Variants in STARD9 observed in about 807,000 individuals in gnomAD.
The protein encoded by STARD9 is StAR related lipid transfer domain containing 9.
In STARD9, 346 loss-of-function variants were observed where a neutral mutation model predicts 399.8. That is an observed-to-expected ratio of 0.87 (90% CI 0.79 to 0.95). The LOEUF is 0.95. Among genes scored for constraint, STARD9 ranks in the 40% least tolerant of loss-of-function variants. STARD9 has a pLI of 0.00. For synonymous variants in STARD9, 2,203 were observed against 2,143.5 expected (o/e 1.03, Z -0.77); for missense variants, 5,832 against 5,667.5 (o/e 1.03, Z -0.93).
rs1566913364 is a variant in STARD9, at chr15:42,662,785, G to A, written c.771-9G>A. ...CTTTTGTTTTTGTTTTTCATTGACTGTGTTTTAGCGAAAGAGCAGATCCCA... is the reference window on the plus strand; with the variant it reads ...CTTTTGTTTTTGTTTTTCATTGACTATGTTTTAGCGAAAGAGCAGATCCCA... On this transcript the variant is annotated splice_polypyrimidine_tract_variant and intron_variant, in intron 10 of 32. Transcript: ENST00000290607. 1.3e-6 allele frequency: 2 copies of A among 1,532,354 alleles called. No individual in the cohort carries two copies. The highest frequency in any genetic ancestry group is 2.0e-5 in the Admixed American group (1 of 50,920). The allele number at this position is 1,532,354 out of a possible 1,614,324, so 94.9% of individuals were successfully genotyped here.
At position 42,718,524 on chromosome 15, in the gene STARD9, T is replaced by A; in HGVS notation, c.13842+10T>A. Reference sequence around the variant, plus strand: ...CGTGGAAGCCAAAGAGGTGCCTGCCTTGGTGGTAAAGATGTTGTGGGAAGA... The same window carrying A: ...CGTGGAAGCCAAAGAGGTGCCTGCCATGGTGGTAAAGATGTTGTGGGAAGA... On this transcript the variant is annotated intron_variant, in intron 31 of 32. Coordinates refer to ENST00000290607, the MANE Select transcript of STARD9 (RefSeq NM_020759.3). 2 of 1,536,638 alleles carry A rather than the reference T, an allele frequency of 1.3e-6. No individual in the cohort carries two copies. Among genetic ancestry groups the A allele is most frequent in the Non-Finnish European group, 1.7e-6 (2 of 1,146,368 alleles).
At chr15:42,616,042 T>C (rs1258504953) in intron 3 of STARD9, among the ~76,000 whole-genome samples, 1 of 150,114 alleles carries the variant, frequency 6.7e-6, no homozygotes, top group South Asian at 2.1e-4. Flanking sequence ...AAACATTGTA[T>C]TTTTTTTTTC....
Position 42,686,525 on chromosome 15 carries a change from T to C in STARD9, c.4947T>C (p.Phe1649=). Residue 1649 remains phenylalanine (F), a synonymous_variant, in exon 23 of 33, where the codon TTT becomes TTC. Transcript: ENST00000290607. ...PGLMTSSDED[F]FQKNACHSNV... is the part of the protein sequence containing the mutation. ...TGATGACTTCCTCTGATGAGGATTTTTTCCAGAAGAACGCTTGTCACAGTA... is the reference window on the plus strand; with the variant it reads ...TGATGACTTCCTCTGATGAGGATTTCTTCCAGAAGAACGCTTGTCACAGTA... 2 of 1,537,704 alleles carry C rather than the reference T, an allele frequency of 1.3e-6. No homozygotes were observed. The highest frequency in any genetic ancestry group is 1.7e-6 in the Non-Finnish European group (2 of 1,147,036).
chr15:42,623,404 A>G (rs2059131215), intron 3 of STARD9, among the ~76,000 whole-genome samples: 1 of 151,760 alleles, frequency 6.6e-6, no homozygotes, highest in Admixed American at 6.6e-5. Context: ...CTGTTTACTG[A>G]CTCTATGGTC....
chr15:42,668,601 T>C (rs185328691), intron 15 of STARD9, among the ~76,000 whole-genome samples: 7 of 152,336 alleles, frequency 4.6e-5, no homozygotes, highest in Admixed American at 1.3e-4. Context: ...TATTATTGTT[T>C]TTATTGTCTT....
chr15:42,709,514 G>A (rs537401095), intron 26 of STARD9, among the ~76,000 whole-genome samples: 2 of 152,180 alleles, frequency 1.3e-5, no homozygotes, highest in South Asian at 2.1e-4. Flanking sequence ...GTGAAACCCC[G>A]TCTCCACTAA....
chr15:42,679,122 G>C (rs971798756), intron 20 of STARD9, among the ~76,000 whole-genome samples: 2 of 152,218 alleles, frequency 1.3e-5, no homozygotes, highest in Non-Finnish European at 2.9e-5. Flanking sequence ...TTCAGATAAA[G>C]ACCCTGTCTC....
intron 3 of STARD9, among the ~76,000 whole-genome samples, chr15:42,609,862 G>T (rs1315149243): frequency 6.6e-6 from 1 of 152,066 alleles, no homozygotes; most frequent in Non-Finnish European, 1.5e-5. Context: ...GGAGGCTGAG[G>T]CGGATGGATC....
rs2060688723 is a variant in STARD9 at position 42,691,218 on chromosome 15, CA to C, written c.9641del (p.Gln3214ArgfsTer17). On this transcript the variant is annotated frameshift_variant, in exon 23 of 33. Transcript: ENST00000290607. LOFTEE classifies it high-confidence loss of function. ...QEDSPWQEEE[Q>X]HRDQASGGGE... ...AGACAGTCCCTGGCAGGAAGAAGAG[CA>C]GCACAGAGACCAGGCTTCAGGTGGT... The C allele has an allele frequency of 6.5e-7, 1 of 1,537,146 alleles. No individual in the cohort carries two copies. Among genetic ancestry groups the C allele is most frequent in the Non-Finnish European group, 8.7e-7 (1 of 1,146,912 alleles).
chr15:42,689,589 C>T lies in STARD9; in HGVS notation c.8011C>T (p.Pro2671Ser), dbSNP rs1252649655. 9 of 1,537,352 alleles carry T rather than the reference C, an allele frequency of 5.9e-6. No individual in the cohort carries two copies. In the East Asian group the frequency reaches 2.0e-4, roughly 33 times the overall value. ...DPVQAFSHAA[P>S]AQDRKRRTGE... ...TGTGCAGGCTTTCTCCCATGCTGCT[C>T]CTGCTCAAGACAGGAAACGTCGTAC... Residue 2671 changes from proline (P) to serine (S), a missense_variant, in exon 23 of 33, where the codon CCT becomes TCT. Pro to Ser is a moderately conservative substitution (Grantham distance 74). Around this residue, in one of 2 missense-constraint regions of STARD9, gnomAD observed 5,828 missense variants for 5,651.1 expected, o/e 1.03. Transcript: ENST00000290607.
chr15:42,719,871 T>G lies in STARD9; in HGVS notation c.*297T>G, dbSNP rs950781380. On this transcript the variant is annotated 3_prime_UTR_variant, in exon 33 of 33. Transcript: ENST00000290607. ...CACCTTTCTTTCCTGTTTCTGGGAC[T>G]CTGCGGCAGACAGGACACTTAAGGA... 3 of 297,952 alleles carry G rather than the reference T, an allele frequency of 1.0e-5. No individual in the cohort carries two copies. The highest frequency in any genetic ancestry group is 6.5e-5 in the African/African-American group (3 of 45,938). 18.5% of individuals were successfully genotyped at this position (297,952 alleles called of 1,614,324 possible).
chr15:42,674,054 C>T (rs2060259583), intron 16 of STARD9: 1 of 448,312 alleles, frequency 2.2e-6, no homozygotes, highest in South Asian at 1.6e-5. Flanking sequence ...ACCTTTGCCC[C>T]TTAGGGAAAA....
At chr15:42,622,038 A>G (rs2141856149) in intron 3 of STARD9, among the ~76,000 whole-genome samples, 1 of 152,276 alleles carries the variant, frequency 6.6e-6, no homozygotes, top group East Asian at 1.9e-4. Flanking sequence ...CATACAATTC[A>G]TTCTTTTTTG....
In STARD9 at chr15:42,688,472, T is replaced by G. The variant is rs1296396381; in HGVS notation, c.6894T>G (p.Ser2298Arg). 6.5e-7 allele frequency: 1 copy of G among 1,537,780 alleles called. No individual in the cohort carries two copies. The highest frequency in any genetic ancestry group is 1.4e-5 in the African/African-American group (1 of 73,058). ...EENKVTQKFPSLSQLCRDTFF... is the reference protein window; with the variant it reads ...EENKVTQKFPRLSQLCRDTFF... ...ATAAAGTGACTCAGAAATTTCCTAG[T>G]CTCAGCCAGCTTTGTAGGGACACGT... The change falls in exon 23 of 33, where the codon AGT becomes AGG. Residue 2298 changes from serine (S) to arginine (R), a missense_variant. Ser to Arg is a moderately radical substitution (Grantham distance 110). This residue lies in a region of STARD9 where 5,828 missense variants were observed against 5,651.1 expected (regional missense o/e 1.03). Transcript: ENST00000290607.
In STARD9 at chr15:42,695,130, T is replaced by C. The variant is rs1218621059; in HGVS notation, c.12963-10T>C. The C allele has an allele frequency of 2.0e-6, 3 of 1,519,012 alleles. No homozygotes were observed. In the East Asian group the frequency reaches 7.4e-5, roughly 37 times the overall value. The allele number at this position is 1,519,012 out of a possible 1,614,324, so 94.1% of individuals were successfully genotyped here. ...CCACCATGTTCTTTCCACCCCGTGA[T>C]CTTCCTCAGGAGCCCAGAGTCAGTG... is the stretch of plus-strand genomic sequence containing the variant. On this transcript the variant is annotated splice_polypyrimidine_tract_variant and intron_variant, in intron 24 of 32. Coordinates refer to ENST00000290607, the MANE Select transcript of STARD9 (RefSeq NM_020759.3).
intron 3 of STARD9, among the ~76,000 whole-genome samples, chr15:42,611,985 T>G (rs2058859325): frequency 6.6e-6 from 1 of 152,156 alleles, no homozygotes; most frequent in Non-Finnish European, 1.5e-5. Context: ...TGATTATTAT[T>G]AGAGACAGGG....
At chr15:42,699,550 C>T (rs575001092) in intron 26 of STARD9, among the ~76,000 whole-genome samples, 3 of 151,428 alleles carry the variant, frequency 2.0e-5, no homozygotes, top group Non-Finnish European at 4.4e-5. Context: ...CCCGCCACCA[C>T]GCCCAGCTAA....
chr15:42,689,400 A>G lies in STARD9; in HGVS notation c.7822A>G (p.Arg2608Gly). 1 of 1,537,448 alleles carries G rather than the reference A, an allele frequency of 6.5e-7. No individual in the cohort carries two copies. Among genetic ancestry groups the G allele is most frequent in the Non-Finnish European group, 8.7e-7 (1 of 1,146,946 alleles). Reference protein sequence around the residue: ...QIDQSSSDQTRNEGEAPGFHV... With the variant: ...QIDQSSSDQTGNEGEAPGFHV... ...AGACCAGTCATCATCAGACCAGACC[A>G]GGAATGAGGGTGAAGCACCGGGATT... Residue 2608 changes from arginine (R) to glycine (G), a missense_variant, in exon 23 of 33, where the codon AGG (arginine) becomes GGG (glycine). Transcript: ENST00000290607.
intron 1 of STARD9, 116 bp from the exon 2 acceptor site, chr15:42,583,230 G>T (rs1037588084): frequency 1.5e-6 from 1 of 686,820 alleles, no homozygotes; most frequent in African/African-American, 1.8e-5. Context: ...GGAGACAGAC[G>T]CTTCTCTTAA....
Sources: gnomAD v4.1 joint callset for allele counts (sites outside exome capture counted in the v4.1 genomes callset) on GRCh38, gnomAD v4.1.1 for gene constraint, gnomAD v4.1.1 regional missense constraint, MANE v1.5 for transcripts, NCBI Gene and HGNC (gene_info 2026-07-23, HGNC 2026-07-21) for gene names.